PYROXD1: variants seen among roughly 807,000 people sequenced by gnomAD.
The protein encoded by PYROXD1 is pyridine nucleotide-disulphide oxidoreductase domain 1, also known as tRNA ligase complex-associated NAD(P)H dehydrogenase PYROXD1.
Under a neutral mutation model 62.0 loss-of-function variants are expected in PYROXD1, and 42 were observed. That is an observed-to-expected ratio of 0.68 (90% CI 0.53 to 0.88). The LOEUF (loss-of-function observed/expected upper bound fraction) is 0.88, where lower values mean the gene tolerates loss of function less well. Ranked by LOEUF, PYROXD1 falls within the 40% of genes least tolerant of loss-of-function variation. The pLI is 0.00. For missense variants in PYROXD1, 493 were observed against 604.8 expected, an observed-to-expected ratio of 0.82 and a Z score of 1.94; for synonymous variants, 170 against 206.4, an observed-to-expected ratio of 0.82 and a Z score of 1.51.
intron 7 of PYROXD1, chr12:21,456,804 C>A: frequency 2.3e-6 from 1 of 429,014 alleles, no homozygotes; most frequent in Admixed American, 2.8e-5. Context: ...AGTCAATTCT[C>A]TCAAACTCTG....
At chr12:21,466,442 A>G (rs1403635850) in intron 10 of PYROXD1, among the ~76,000 whole-genome samples, 9 of 151,934 alleles carry the variant, frequency 5.9e-5, no homozygotes, top group Admixed American at 5.3e-4. Context: ...GTGAATGGGA[A>G]TTCACTCATG....
intron 2 of PYROXD1, among the ~76,000 whole-genome samples, chr12:21,444,668 C>G (rs1336685527): frequency 3.5e-5 from 4 of 113,318 alleles, no homozygotes; most frequent in Non-Finnish European, 5.8e-5. Context: ...GTAAAGGGGT[C>G]ATGAGACCAA....
intron 4 of PYROXD1, among the ~76,000 whole-genome samples, chr12:21,450,326 C>A (rs1021034124): frequency 2.6e-5 from 4 of 152,066 alleles, no homozygotes; most frequent in African/African-American, 9.7e-5. Context: ...ATGTGATTTG[C>A]AACCTAAATA....
chr12:21,451,691 C>CT (rs56259938), intron 4 of PYROXD1, among the ~76,000 whole-genome samples: 1 of 151,766 alleles, frequency 6.6e-6, no homozygotes, highest in Non-Finnish European at 1.5e-5. Flanking sequence ...GCTTCTCATT[C>CT]CTAGAAGTTT....
At chr12:21,445,728 C>T (rs561781258) in intron 3 of PYROXD1, among the ~76,000 whole-genome samples, 1 of 152,258 alleles carries the variant, frequency 6.6e-6, no homozygotes, top group South Asian at 2.1e-4. Context: ...CTGGATACTG[C>T]ATTAGGTGCT....
At chr12:21,442,920 T>G (rs1376679092) in intron 2 of PYROXD1, among the ~76,000 whole-genome samples, 2 of 152,236 alleles carry the variant, frequency 1.3e-5, no homozygotes, top group Non-Finnish European at 2.9e-5. Flanking sequence ...TATGTGGTTA[T>G]TCTCCATTTT....
chr12:21,449,721 G>GA, intron 4 of PYROXD1, 30 bp downstream of exon 4: 1 of 1,562,840 alleles, frequency 6.4e-7, no homozygotes, highest in Non-Finnish European at 8.7e-7. Flanking sequence ...TCGTGAGAAG[G>GA]AAAATAAAAG....
At chr12:21,467,668 C>T (rs1369387174) in intron 11 of PYROXD1, 50 bp downstream of exon 11, 6 of 1,339,052 alleles carry the variant, frequency 4.5e-6, no homozygotes, top group Non-Finnish European at 6.2e-6. Flanking sequence ...AGTCTTATGA[C>T]TATGATAAAT....
rs1330643962 is a variant in PYROXD1 at position 21,467,463 on chromosome 12, A to AT, written c.1117-12dup. The AT allele has an allele frequency of 6.3e-7, 1 of 1,577,528 alleles. No individual in the cohort carries two copies. The highest frequency in any genetic ancestry group is 8.6e-7 in the Non-Finnish European group (1 of 1,165,820). On this transcript the variant is annotated splice_polypyrimidine_tract_variant and intron_variant, in intron 10 of 11. Coordinates refer to ENST00000240651, the MANE Select transcript of PYROXD1 (RefSeq NM_024854.5). ...ATCATGAAAAATGACATTGTGTAAC[A>AT]TTTTTTCATCATTTCAGATGAGGCT... is the stretch of plus-strand genomic sequence containing the variant.
intron 10 of PYROXD1, among the ~76,000 whole-genome samples, chr12:21,466,891 T>G (rs80249143): frequency 0.052 from 7,958 of 152,252 alleles, 411 homozygotes; most frequent in East Asian, 0.29. Flanking sequence ...TCAAAGGCCG[T>G]GTTCTTTTAT....
At chr12:21,462,993 A>C in intron 10 of PYROXD1, 131 bp downstream of exon 10, 1 of 721,216 alleles carries the variant, frequency 1.4e-6, no homozygotes, top group East Asian at 2.9e-5. Flanking sequence ...CAGTTGTTAT[A>C]TATATTTAAA....
Position 21,471,246 on chromosome 12 carries a change from G to T in PYROXD1, c.*2492G>T. 2 of 1,030,384 alleles carry T rather than the reference G, an allele frequency of 1.9e-6. No individual in the cohort carries two copies. The highest frequency in any genetic ancestry group is 2.7e-6 in the Non-Finnish European group (2 of 736,110). 63.8% of individuals were successfully genotyped at this position (1,030,384 alleles called of 1,614,324 possible). ...CAAGAATGCAAATAAAGCCTTTAAAGAAAATATTTTCGTTACTTTTTTTTA... is the reference window on the plus strand; with the variant it reads ...CAAGAATGCAAATAAAGCCTTTAAATAAAATATTTTCGTTACTTTTTTTTA... On this transcript the variant is annotated 3_prime_UTR_variant, in exon 12 of 12. Coordinates refer to ENST00000240651, the MANE Select transcript of PYROXD1 (RefSeq NM_024854.5).
chr12:21,456,749 G>T, intron 7 of PYROXD1: 1 of 355,242 alleles, frequency 2.8e-6, no homozygotes, highest in East Asian at 8.4e-5. Flanking sequence ...TGTAGCGTGC[G>T]AAGCTGTTTT....
chr12:21,444,253 A>G (rs1013910893), intron 2 of PYROXD1, among the ~76,000 whole-genome samples: 1 of 152,220 alleles, frequency 6.6e-6, no homozygotes, highest in African/African-American at 2.4e-5. Context: ...AAATATACAA[A>G]TATCAGCTAT....
At chr12:21,449,461 TTA>T in intron 3 of PYROXD1, 100 bp from the exon 4 acceptor site, 2 of 1,110,566 alleles carry the variant, frequency 1.8e-6, no homozygotes, top group Non-Finnish European at 2.6e-6. Flanking sequence ...CCTTAATATA[TTA>T]TGTTTTGCTT....
Position 21,437,767 on chromosome 12 carries a change from T to G in PYROXD1, c.37T>G (p.Phe13Val), listed in dbSNP as rs770446540. Residue 13 changes from phenylalanine to valine, a missense_variant, in exon 1 of 12, where the codon TTC becomes GTC. Phe to Val is a conservative substitution (Grantham distance 50). This residue lies in a region of PYROXD1 where 164 missense variants were observed against 158.2 expected (regional missense o/e 1.04). Transcript: ENST00000240651. ...GCGCCCTCCCCCGACGGCAGGGAAG[T>G]TCGTGGTGGTCGGCGGCGGCATCGC... is the stretch of plus-strand genomic sequence containing the variant. Reference protein sequence around the residue: ...AARPPPTAGKFVVVGGGIAGV... With the variant: ...AARPPPTAGKVVVVGGGIAGV... 6.2e-7 allele frequency: 1 copy of G among 1,613,246 alleles called. No individual in the cohort carries two copies. The highest frequency in any genetic ancestry group is 2.2e-5 in the East Asian group (1 of 44,866).
chr12:21,443,231 T>C lies in PYROXD1; in HGVS notation c.166-2116T>C, dbSNP rs149592727. On this transcript the variant is annotated intron_variant, in intron 2 of 11. Transcript: ENST00000240651. Reference sequence around the variant, plus strand: ...TTTAATCTTCTATTCTTTTTCTCCATTTTCCTTCCACTTAGAATTACTTTT... The same window carrying C: ...TTTAATCTTCTATTCTTTTTCTCCACTTTCCTTCCACTTAGAATTACTTTT... Among the ~76,000 whole-genome samples, 17 of 152,346 alleles carry C rather than the reference T, an allele frequency of 1.1e-4. No homozygotes were observed. The East Asian group carries it at 3.3e-3, about 29-fold the overall frequency.
chr12:21,465,342 A>C (rs1241612123), intron 10 of PYROXD1, among the ~76,000 whole-genome samples: 1 of 152,076 alleles, frequency 6.6e-6, no homozygotes, highest in Non-Finnish European at 1.5e-5. Flanking sequence ...TTGTTTCCTG[A>C]CTTTTTAATG....
chr12:21,452,432 G>A, intron 5 of PYROXD1, among the ~76,000 whole-genome samples: 1 of 151,786 alleles, frequency 6.6e-6, no homozygotes, highest in South Asian at 2.1e-4. Flanking sequence ...GCCAAATTTG[G>A]CCCATAAATG....
Sources: allele counts gnomAD v4.1 joint callset (sites outside exome capture counted in the v4.1 genomes callset), GRCh38; gene constraint gnomAD v4.1.1; regional missense constraint gnomAD v4.1.1; transcripts MANE v1.5; gene names NCBI Gene and HGNC (gene_info 2026-07-23, HGNC 2026-07-21).